Variants in EMCN observed in about 807,000 individuals in gnomAD.
The protein encoded by EMCN is endomucin.
A neutral mutation model predicts 38.4 loss-of-function variants in EMCN; 37 were observed. That is an observed-to-expected ratio of 0.96 (90% CI 0.74 to 1.27). The LOEUF is 1.27. Among genes scored for constraint, EMCN ranks in the 50% most tolerant of loss-of-function variants. The pLI, the probability that EMCN is intolerant of heterozygous loss-of-function variation, is 0.00. For missense variants in EMCN, 318 were observed against 302.8 expected, an observed-to-expected ratio of 1.05 and a Z score of -0.37; for synonymous variants, 95 against 100.8, an observed-to-expected ratio of 0.94 and a Z score of 0.35.
chr4:100,492,481 A>G (rs1415667277), intron 1 of EMCN, among the ~76,000 whole-genome samples: 3 of 152,186 alleles, frequency 2.0e-5, no homozygotes, highest in Non-Finnish European at 1.5e-5. Flanking sequence ...GAAAAGAGAC[A>G]GCATATTTAA....
intron 1 of EMCN, among the ~76,000 whole-genome samples, chr4:100,484,969 C>T (rs1728902766): frequency 6.6e-6 from 1 of 152,076 alleles, no homozygotes; most frequent in African/African-American, 2.4e-5. Context: ...CACTTGCCCT[C>T]TGAATTATCT....
At chr4:100,462,601 A>G (rs1414697274) in intron 4 of EMCN, among the ~76,000 whole-genome samples, 1 of 152,158 alleles carries the variant, frequency 6.6e-6, no homozygotes, top group Admixed American at 6.6e-5. Context: ...TTTATATTAT[A>G]GGGGCCATCA....
chr4:100,465,294 A>G (rs1180897480), intron 4 of EMCN, 129 bp downstream of exon 4: 4 of 550,260 alleles, frequency 7.3e-6, no homozygotes, highest in Non-Finnish European at 1.3e-5. Flanking sequence ...TGATTGTTCT[A>G]TTGGGTAGAG....
intron 1 of EMCN, among the ~76,000 whole-genome samples, chr4:100,515,058 A>T (rs1729718703): frequency 1.3e-5 from 2 of 152,210 alleles, no homozygotes; most frequent in Middle Eastern, 3.4e-3. Flanking sequence ...CTAACAAAGG[A>T]ATTTCTCCAA....
chr4:100,448,104 G>A (rs1727729683), intron 4 of EMCN, among the ~76,000 whole-genome samples: 1 of 152,000 alleles, frequency 6.6e-6, no homozygotes, highest in Non-Finnish European at 1.5e-5. Flanking sequence ...CTCATGATCT[G>A]TGGAAGAAGC....
At chr4:100,516,754 G>A (rs757541349) in intron 1 of EMCN, among the ~76,000 whole-genome samples, 2 of 152,006 alleles carry the variant, frequency 1.3e-5, no homozygotes, top group Non-Finnish European at 2.9e-5. Flanking sequence ...AGGGAGGGAT[G>A]TACTTATTTT....
intron 4 of EMCN, among the ~76,000 whole-genome samples, chr4:100,456,480 G>A (rs571613644): frequency 2.0e-5 from 3 of 152,052 alleles, no homozygotes; most frequent in East Asian, 3.9e-4. Flanking sequence ...AAATTTTACC[G>A]TTAAGATTGG....
At chr4:100,484,579 G>A (rs185150759) in intron 1 of EMCN, among the ~76,000 whole-genome samples, 5 of 152,114 alleles carry the variant, frequency 3.3e-5, no homozygotes, top group Admixed American at 6.6e-5. Context: ...TTCTTATAAT[G>A]AGTAGTGCTC....
chr4:100,508,383 G>C (rs1051691757), intron 1 of EMCN, among the ~76,000 whole-genome samples: 5 of 152,044 alleles, frequency 3.3e-5, no homozygotes, highest in African/African-American at 1.2e-4. Context: ...CTTTTTTTTA[G>C]TGAAAGTACC....
At chr4:100,511,232 C>T (rs1367287585) in intron 1 of EMCN, among the ~76,000 whole-genome samples, 2 of 152,198 alleles carry the variant, frequency 1.3e-5, no homozygotes, top group Non-Finnish European at 2.9e-5. Flanking sequence ...TAACTTTATA[C>T]TATTTCCAAG....
Position 100,421,321 on chromosome 4 carries a change from G to C in EMCN, c.625C>G (p.Leu209Val), listed in dbSNP as rs199751212. 50 of 1,612,648 alleles carry C rather than the reference G, an allele frequency of 3.1e-5. No homozygotes were observed. Among genetic ancestry groups the C allele is most frequent in the Non-Finnish European group, 4.2e-6 (5 of 1,179,132 alleles). Residue 209 changes from leucine (L) to valine (V), a missense_variant, in exon 8 of 12, where the codon CTG (leucine) becomes GTG (valine). Coordinates refer to ENST00000296420, the MANE Select transcript of EMCN (RefSeq NM_016242.4). ...LIVITLSVFV[L>V]VGLYRMCWKA... ...CAGCACATTCGGTACAAACCCACCA[G>C]AACAAATACTGAAAGTGTTATTACA... is the stretch of plus-strand genomic sequence containing the variant.
intron 3 of EMCN, among the ~76,000 whole-genome samples, chr4:100,474,637 A>G (rs1043135328): frequency 1.3e-5 from 2 of 152,252 alleles, no homozygotes; most frequent in Non-Finnish European, 2.9e-5. Flanking sequence ...AAAATGTGGT[A>G]TATCCATACA....
At chr4:100,502,989 A>C (rs1487558875) in intron 1 of EMCN, among the ~76,000 whole-genome samples, 1 of 152,120 alleles carries the variant, frequency 6.6e-6, no homozygotes, top group Non-Finnish European at 1.5e-5. Context: ...TTTTTTCATA[A>C]TGGGATTGGT....
intron 4 of EMCN, among the ~76,000 whole-genome samples, chr4:100,464,217 A>T (rs948471150): frequency 4.0e-5 from 6 of 151,778 alleles, no homozygotes; most frequent in Admixed American, 3.9e-4. Flanking sequence ...CTGTTAACAT[A>T]TAAAAATATA....
At chr4:100,400,353 A>ATTTTTTTTTTTTTTTTTTTTT (rs3214622) in intron 11 of EMCN, among the ~76,000 whole-genome samples, 1 of 146,748 alleles carries the variant, frequency 6.8e-6, no homozygotes. Flanking sequence ...CCTAGGCCAC[A>ATTTTTTTTTTTTTTTTTTTTT]TTTTTTTTTT....
At chr4:100,436,155 C>A (rs956379706) in intron 5 of EMCN, among the ~76,000 whole-genome samples, 14 of 151,568 alleles carry the variant, frequency 9.2e-5, no homozygotes, top group Non-Finnish European at 1.8e-4. Flanking sequence ...TATCCAGACC[C>A]TACAAGGAAC....
At chr4:100,425,014 A>G (rs1051700789) in intron 5 of EMCN, among the ~76,000 whole-genome samples, 1 of 152,066 alleles carries the variant, frequency 6.6e-6, no homozygotes, top group African/African-American at 2.4e-5. Flanking sequence ...GTTATTGCTA[A>G]TGACCCATGG....
intron 3 of EMCN, among the ~76,000 whole-genome samples, chr4:100,472,197 A>C (rs1728497090): frequency 6.6e-6 from 1 of 152,036 alleles, no homozygotes. Flanking sequence ...AACATAGAAA[A>C]TTCTAAGGAA....
intron 1 of EMCN, among the ~76,000 whole-genome samples, chr4:100,502,764 G>A (rs1398795482): frequency 6.6e-6 from 1 of 152,024 alleles, no homozygotes; most frequent in Non-Finnish European, 1.5e-5. Flanking sequence ...TATTGTTTTA[G>A]TTTTCTAAGC....
Sources: gnomAD v4.1 joint callset for allele counts (sites outside exome capture counted in the v4.1 genomes callset) on GRCh38, gnomAD v4.1.1 for gene constraint, MANE v1.5 for transcripts, NCBI Gene and HGNC (gene_info 2026-07-23, HGNC 2026-07-21) for gene names.